Variants in SPTA1 observed in about 807,000 individuals in gnomAD.
SPTA1 encodes spectrin alpha chain, erythrocytic 1.
In SPTA1, 177 loss-of-function variants were observed where a neutral mutation model predicts 324.7. That is an observed-to-expected ratio of 0.55 (90% CI 0.48 to 0.62). The LOEUF is 0.62. Among genes scored for constraint, SPTA1 ranks in the 20% least tolerant of loss-of-function variants. SPTA1 has a pLI of 0.00. For synonymous variants in SPTA1, 1,195 were observed against 1,041.3 expected (o/e 1.15, Z -2.84); for missense variants, 3,162 against 2,883.6 (o/e 1.10, Z -2.21).
chr1:158,633,696 A>T (rs551533865), intron 39 of SPTA1, among the ~76,000 whole-genome samples: 2 of 151,664 alleles, frequency 1.3e-5, no homozygotes, highest in Non-Finnish European at 1.5e-5. Flanking sequence ...AAAAAGAAAA[A>T]GTTCTGTTGT....
Position 158,642,452 on chromosome 1 carries a change from T to C in SPTA1, c.4696A>G (p.Ile1566Val), listed in dbSNP as rs774788086. ...TTGCCATCACAAGCGCTACACTCAA[T>C]CAGGGAGTTCCCCAGGTTGATGACG... Reference protein sequence around the residue: ...HGVINLGNSLIECSACDGNEE... With the variant: ...HGVINLGNSLVECSACDGNEE... Residue 1566 changes from isoleucine to valine, a missense_variant, in exon 33 of 52, where the codon ATT becomes GTT. Physicochemically the swap from Ile to Val is conservative, Grantham distance 29. Transcript: ENST00000643759. 6.2e-7 allele frequency: 1 copy of C among 1,613,664 alleles called. No homozygotes were observed. Among genetic ancestry groups the C allele is most frequent in the Non-Finnish European group, 8.5e-7 (1 of 1,179,706 alleles).
rs772425111 is a variant in SPTA1, at chr1:158,657,559, A to T, written c.2723T>A (p.Leu908Gln). The part of the protein sequence containing the change: ...NVQFQQYLAD[L>Q]HEAETWIREK... ...TCTGATCCATGTTTCTGCTTCATGC[A>T]GGTCAGCCAGGTACTGCTGGAACTG... The change falls in exon 19 of 52, where the codon CTG becomes CAG. Residue 908 changes from leucine to glutamine, a missense_variant. By Grantham distance (113) the Leu-to-Gln change is moderately radical. Coordinates refer to ENST00000643759, the MANE Select transcript of SPTA1 (RefSeq NM_003126.4). The T allele has an allele frequency of 6.2e-7, 1 of 1,613,962 alleles. No homozygotes were observed. The highest frequency in any genetic ancestry group is 1.1e-5 in the South Asian group (1 of 91,078).
chr1:158,666,110 T>C (rs572738732), intron 16 of SPTA1, among the ~76,000 whole-genome samples: 9 of 152,136 alleles, frequency 5.9e-5, no homozygotes, highest in Non-Finnish European at 1.2e-4. Flanking sequence ...GGTTCTTTGC[T>C]CTTTTGCTCT....
chr1:158,622,014 G>A (rs193175131), intron 43 of SPTA1, among the ~76,000 whole-genome samples: 36 of 152,170 alleles, frequency 2.4e-4, no homozygotes, highest in African/African-American at 7.2e-5. Flanking sequence ...ACAGGTGCCC[G>A]CCACCACGCC....
At chr1:158,659,077 A>G (rs1653024082) in intron 18 of SPTA1, among the ~76,000 whole-genome samples, 1 of 152,068 alleles carries the variant, frequency 6.6e-6, no homozygotes, top group South Asian at 2.1e-4. Context: ...TGGAAATGGG[A>G]ACTATGAGGG....
chr1:158,676,429 A>C, intron 7 of SPTA1, 134 bp from the exon 8 acceptor site: 2 of 893,942 alleles, frequency 2.2e-6, no homozygotes, highest in Non-Finnish European at 3.5e-6. Flanking sequence ...GATTTCTATT[A>C]ATATACTAAT....
Position 158,649,840 on chromosome 1 carries a change from G to A in SPTA1, c.3569+16C>T, listed in dbSNP as rs756727374. On this transcript the variant is annotated intron_variant, in intron 25 of 51. Coordinates refer to ENST00000643759, the MANE Select transcript of SPTA1 (RefSeq NM_003126.4). ...GGTTTTAAAGCAGCACTGCTTTTTA[G>A]AGTTATAATTATTACCTGTGAAACA... 2 of 1,603,836 alleles carry A rather than the reference G, an allele frequency of 1.2e-6. No homozygotes were observed. The highest frequency in any genetic ancestry group is 2.2e-5 in the East Asian group (1 of 44,808).
intron 17 of SPTA1, among the ~76,000 whole-genome samples, chr1:158,661,635 T>C (rs559399341): frequency 4.6e-5 from 7 of 152,306 alleles, no homozygotes; most frequent in African/African-American, 1.7e-4. Flanking sequence ...ATACAACAGA[T>C]AATGAAAACA....
At chr1:158,617,927 A>G in intron 46 of SPTA1, 112 bp downstream of exon 46, 1 of 1,042,678 alleles carries the variant, frequency 9.6e-7, no homozygotes, top group East Asian at 2.4e-5. Context: ...ATTTTTATTT[A>G]CATACTACCA....
At chr1:158,617,463 T>A in intron 47 of SPTA1, 74 bp downstream of exon 47, 1 of 1,259,682 alleles carries the variant, frequency 7.9e-7, no homozygotes, top group Non-Finnish European at 1.2e-6. Flanking sequence ...TCACCTGGGC[T>A]TCCCTTAGGT....
At chr1:158,630,767 A>G (rs754923987) in intron 39 of SPTA1, among the ~76,000 whole-genome samples, 1 of 152,078 alleles carries the variant, frequency 6.6e-6, no homozygotes, top group Admixed American at 6.6e-5. Flanking sequence ...TCTAAAATAT[A>G]TAAGGAACTA....
chr1:158,677,632 A>G, intron 7 of SPTA1, 58 bp downstream of exon 7: 1 of 1,601,974 alleles, frequency 6.2e-7, no homozygotes, highest in South Asian at 1.1e-5. Flanking sequence ...TAGGCAAGAT[A>G]ATCAACAATT....
chr1:158,619,460 G>GAGCACACAGGCACA, intron 44 of SPTA1, 126 bp from the exon 45 acceptor site: 1 of 871,568 alleles, frequency 1.1e-6, no homozygotes, highest in Non-Finnish European at 1.9e-6. Flanking sequence ...CCACAGGTAT[G>GAGCACACAGGCACA]TGCCTGTGTG....
chr1:158,628,500 G>T (rs1298226926), intron 39 of SPTA1, among the ~76,000 whole-genome samples: 1 of 152,080 alleles, frequency 6.6e-6, no homozygotes, highest in Admixed American at 6.6e-5. Context: ...TCAGTTCATG[G>T]TGTTGAGGCA....
Position 158,676,252 on chromosome 1 carries a change from T to A in SPTA1, c.1001A>T (p.His334Leu). 6.2e-7 allele frequency: 1 copy of A among 1,613,764 alleles called. No homozygotes were observed. The highest frequency in any genetic ancestry group is 8.5e-7 in the Non-Finnish European group (1 of 1,179,774). Residue 334 changes from histidine to leucine, a missense_variant, in exon 8 of 52, where the codon CAT becomes CTT. Transcript: ENST00000643759. ...CTGGATCTGAGGTGCATCTGAAGGA[T>A]GGGAAAGTGTCAGCTTCTCTGCTTT... ...CAKAEKLTLSHPSDAPQIQEM... is the reference protein window; with the variant it reads ...CAKAEKLTLSLPSDAPQIQEM...
chr1:158,625,093 T>A (rs1489076206), intron 42 of SPTA1, among the ~76,000 whole-genome samples: 1 of 152,104 alleles, frequency 6.6e-6, no homozygotes, highest in Non-Finnish European at 1.5e-5. Context: ...CATAAAATTA[T>A]CAAATTAGAT....
chr1:158,613,063 C>T, intron 50 of SPTA1, 102 bp from the exon 51 acceptor site: 1 of 1,264,434 alleles, frequency 7.9e-7, no homozygotes, highest in Non-Finnish European at 1.1e-6. Context: ...AAGCCAGATT[C>T]TCCAAGTGCC....
At chr1:158,654,931 C>T (rs896631569) in intron 20 of SPTA1, among the ~76,000 whole-genome samples, 183 bp from the exon 21 acceptor site, 6 of 151,938 alleles carry the variant, frequency 3.9e-5, no homozygotes, top group South Asian at 4.2e-4. Flanking sequence ...TGACACTTAT[C>T]GGGGACAGGC....
intron 48 of SPTA1, 163 bp from the exon 49 acceptor site, chr1:158,614,469 C>T: frequency 1.6e-6 from 1 of 616,976 alleles, no homozygotes; most frequent in Non-Finnish European, 2.9e-6. Context: ...ATCTAGGCTG[C>T]CACCTGCTTT....
Sources: allele counts gnomAD v4.1 joint callset (sites outside exome capture counted in the v4.1 genomes callset), GRCh38; gene constraint gnomAD v4.1.1; transcripts MANE v1.5; gene names NCBI Gene and HGNC (gene_info 2026-07-23, HGNC 2026-07-21).